Variants in CCDC122 observed in about 807,000 individuals in gnomAD.
The protein encoded by CCDC122 is coiled-coil domain containing 122, also known as coiled-coil domain-containing protein 122.
In CCDC122, 38 loss-of-function variants were observed where a neutral mutation model predicts 37.0. That is an observed-to-expected ratio of 1.03 (90% CI 0.79 to 1.35). The LOEUF is 1.35. CCDC122 is among the 40% of genes most tolerant of loss of function. The pLI, the probability that CCDC122 is intolerant of heterozygous loss-of-function variation, is 0.00. For synonymous variants in CCDC122, 83 were observed against 95.6 expected (o/e 0.87, Z 0.77); for missense variants, 305 against 310.0 (o/e 0.98, Z 0.12).
intron 6 of CCDC122, among the ~76,000 whole-genome samples, chr13:43,852,637 C>T (rs1472705004): frequency 3.3e-5 from 5 of 151,878 alleles, no homozygotes; most frequent in Admixed American, 2.0e-4. Flanking sequence ...GTGCAGAGAA[C>T]CCCAGTAAGA....
rs560403068 is a variant in CCDC122 at position 43,869,192 on chromosome 13, GTA to G, written c.46+137_46+138del. On this transcript the variant is annotated intron_variant, in intron 3 of 6. Transcript: ENST00000444614. ...GGTTGATATGCCTTTGCTAAACACTGTATATGTTTGTCCCAGCTAAATGTAAC... is the reference window on the plus strand; with the variant it reads ...GGTTGATATGCCTTTGCTAAACACTGTATGTTTGTCCCAGCTAAATGTAAC... 1.5e-3 allele frequency: 1,032 copies of G among 695,678 alleles called. 4 individuals are homozygous for G. Among genetic ancestry groups the G allele is most frequent in the Non-Finnish European group, 2.2e-3 (885 of 397,096 alleles). 43.1% of individuals were successfully genotyped at this position (695,678 alleles called of 1,614,324 possible).
At chr13:43,856,474 CA>C in intron 6 of CCDC122, 1 of 153,836 alleles carries the variant, frequency 6.5e-6, no homozygotes, top group Non-Finnish European at 1.4e-5. Context: ...ACTAAAAATG[CA>C]AAAAATTAGC....
intron 1 of CCDC122, among the ~76,000 whole-genome samples, chr13:43,878,465 A>G (rs1331637867): frequency 1.3e-5 from 2 of 152,170 alleles, no homozygotes. Flanking sequence ...CTAGTCAAGC[A>G]CAAGAACATG....
At position 43,859,807 on chromosome 13, in the gene CCDC122, C is replaced by G. The variant is rs772088506; in HGVS notation, c.420G>C (p.Gly140=). The change falls in exon 5 of 7, where the codon GGG becomes GGC. Residue 140 remains glycine (G), a synonymous_variant. Coordinates refer to ENST00000444614, the MANE Select transcript of CCDC122 (RefSeq NM_144974.5). ...AKIKAHKNSL[G]EVESKWSFMT... is the part of the protein sequence containing the mutation. ...TAAATGACCATTTGCTCTCTACTTC[C>G]CCCAAACTATTTTTATGTGCTTTTA... 2 of 1,609,346 alleles carry G rather than the reference C, an allele frequency of 1.2e-6. No individual in the cohort carries two copies. The highest frequency in any genetic ancestry group is 1.7e-6 in the Non-Finnish European group (2 of 1,178,392).
At position 43,837,210 on chromosome 13, in the gene CCDC122, G is replaced by A. The variant is rs1009543270; in HGVS notation, c.*70C>T. The A allele has an allele frequency of 1.4e-6, 2 of 1,438,216 alleles. No individual in the cohort carries two copies. Among genetic ancestry groups the A allele is most frequent in the African/African-American group, 2.9e-5 (2 of 69,986 alleles). 89.1% of individuals were successfully genotyped at this position (1,438,216 alleles called of 1,614,324 possible). On this transcript the variant is annotated 3_prime_UTR_variant, in exon 7 of 7. Transcript: ENST00000444614. ...GATGCTTGTTATTAAGAATCCAAAAGATTTTCTTAATGTTCTGTCCAGTAA... is the reference window on the plus strand; with the variant it reads ...GATGCTTGTTATTAAGAATCCAAAAAATTTTCTTAATGTTCTGTCCAGTAA...
intron 6 of CCDC122, among the ~76,000 whole-genome samples, chr13:43,851,966 C>A (rs1044180103): frequency 1.3e-5 from 2 of 151,828 alleles, no homozygotes; most frequent in East Asian, 1.9e-4. Context: ...AAAAAAACAT[C>A]CAAAGGTCAG....
chr13:43,848,654 A>T (rs1953625369), intron 6 of CCDC122: 1 of 193,618 alleles, frequency 5.2e-6, no homozygotes, highest in Non-Finnish European at 9.4e-6. Context: ...GGCTCTTTTC[A>T]TTCAGATATG....
intron 6 of CCDC122, chr13:43,855,834 C>T (rs1953890630): frequency 6.6e-6 from 1 of 152,076 alleles, no homozygotes; most frequent in South Asian, 2.1e-4. Context: ...GAATCCCATT[C>T]AACCCAGCAA....
chr13:43,840,222 C>T (rs1370527608), intron 6 of CCDC122, among the ~76,000 whole-genome samples: 4 of 152,154 alleles, frequency 2.6e-5, no homozygotes, highest in Admixed American at 2.6e-4. Flanking sequence ...TTCGCTTTAA[C>T]ACCATGCTTG....
intron 1 of CCDC122, chr13:43,877,641 A>C (rs934947076): frequency 2.0e-5 from 3 of 152,238 alleles, no homozygotes; most frequent in Non-Finnish European, 4.4e-5. Context: ...AAAAAGTAGC[A>C]GTTAGGCATA....
At chr13:43,872,022 A>T (rs1954469333) in intron 2 of CCDC122, among the ~76,000 whole-genome samples, 1 of 152,034 alleles carries the variant, frequency 6.6e-6, no homozygotes, top group South Asian at 2.1e-4. Context: ...TAAATCCCTG[A>T]ACGTTCAGTT....
intron 6 of CCDC122, 86 bp downstream of exon 6, chr13:43,858,695 G>T (rs1954008065): frequency 1.0e-6 from 1 of 959,250 alleles, no homozygotes; most frequent in East Asian, 3.7e-5. Context: ...TTTGAGTATT[G>T]AGAGTAAACT....
chr13:43,829,505 C>A (rs1448960739), intron 3 of CCDC122, among the ~76,000 whole-genome samples: 1 of 152,058 alleles, frequency 6.6e-6, no homozygotes, highest in African/African-American at 2.4e-5. Context: ...GGGGTTTTGA[C>A]ATGCTGGCCA....
chr13:43,854,975 T>C (rs962462852), intron 6 of CCDC122: 12 of 152,190 alleles, frequency 7.9e-5, no homozygotes, highest in Admixed American at 3.3e-4. Flanking sequence ...GGAACATACC[T>C]GAAAATAATA....
intron 6 of CCDC122, among the ~76,000 whole-genome samples, chr13:43,847,207 TAAGTA>T: frequency 6.6e-6 from 1 of 152,330 alleles, no homozygotes; most frequent in Admixed American, 6.5e-5. Flanking sequence ...GATTGTTGAA[TAAGTA>T]AATTAGTTGC....
intron 4 of CCDC122, among the ~76,000 whole-genome samples, chr13:43,868,081 T>C (rs1285619457): frequency 2.0e-5 from 3 of 152,090 alleles, no homozygotes; most frequent in Admixed American, 1.3e-4. Flanking sequence ...AGTAGTAAAT[T>C]TGGCCTTTTG....
At chr13:43,861,571 A>T (rs1253192830) in intron 4 of CCDC122, among the ~76,000 whole-genome samples, 1 of 152,184 alleles carries the variant, frequency 6.6e-6, no homozygotes, top group East Asian at 1.9e-4. Context: ...TCCTCTTCTT[A>T]TCTACTATGG....
chr13:43,862,056 C>T (rs1172178899), intron 4 of CCDC122, among the ~76,000 whole-genome samples: 1 of 152,174 alleles, frequency 6.6e-6, no homozygotes, highest in African/African-American at 2.4e-5. Context: ...TTCCTCCCCA[C>T]TCCCCCAACT....
chr13:43,820,615 T>C (rs1204009756), downstream of CCDC122, among the ~76,000 whole-genome samples: 1 of 152,224 alleles, frequency 6.6e-6, no homozygotes, highest in Non-Finnish European at 1.5e-5. Flanking sequence ...CCTTTGAATA[T>C]GGCTAGAACA....
Sources: gnomAD v4.1 joint callset for allele counts (sites outside exome capture counted in the v4.1 genomes callset) on GRCh38, gnomAD v4.1.1 for gene constraint, MANE v1.5 for transcripts, NCBI Gene and HGNC (gene_info 2026-07-23, HGNC 2026-07-21) for gene names.